ENOX1: variants seen among roughly 807,000 people sequenced by gnomAD.
ENOX1 encodes candidate growth-related and time keeping constitutive hydroquinone (NADH) oxidase.
A neutral mutation model predicts 82.5 loss-of-function variants in ENOX1; 42 were observed. The observed-to-expected ratio is 0.51, with a 90% CI of 0.40 to 0.66. ENOX1 has a LOEUF of 0.66. ENOX1 is among the 30% of genes least tolerant of loss of function. The pLI is 0.00. For synonymous variants in ENOX1, 271 were observed against 282.2 expected (o/e 0.96, Z 0.40); for missense variants, 608 against 811.6 (o/e 0.75, Z 3.05).
chr13:43,436,985 AG>A (rs2056068697), intron 3 of ENOX1, among the ~76,000 whole-genome samples: 1 of 152,340 alleles, frequency 6.6e-6, no homozygotes, highest in Middle Eastern at 3.4e-3. Flanking sequence ...CAAGGACACG[AG>A]GGTAAAGACA....
At chr13:43,497,819 G>A (rs1327174248) in intron 2 of ENOX1, among the ~76,000 whole-genome samples, 3 of 151,940 alleles carry the variant, frequency 2.0e-5, no homozygotes, top group Non-Finnish European at 4.4e-5. Context: ...CTTCTTAAAT[G>A]TTTGAAGGAA....
At chr13:43,448,843 T>C (rs1193966036) in intron 3 of ENOX1, among the ~76,000 whole-genome samples, 6 of 152,188 alleles carry the variant, frequency 3.9e-5, no homozygotes, top group Non-Finnish European at 7.3e-5. Context: ...TCTGCAGCCA[T>C]CTAAAAGGAC....
chr13:43,422,680 T>C (rs946137800), intron 3 of ENOX1, among the ~76,000 whole-genome samples: 1 of 151,928 alleles, frequency 6.6e-6, no homozygotes. Flanking sequence ...AAACATGCAA[T>C]CAAACAAAAT....
intron 1 of ENOX1, among the ~76,000 whole-genome samples, chr13:43,682,893 C>A (rs1594391625): frequency 1.3e-5 from 2 of 152,162 alleles, no homozygotes; most frequent in African/African-American, 2.4e-5. Context: ...CTTGAAATGA[C>A]ATTTTATGTG....
chr13:43,651,396 T>TA lies in ENOX1; in HGVS notation c.-219+16082dup, dbSNP rs2084162192. On this transcript the variant is annotated intron_variant, in intron 2 of 16. Transcript: ENST00000690772. ...CTTACCTAGTACTTTCTCCTTGTGA[T>TA]AAAAGACTTCACTTTGAGGCCGGGC... 3.3e-5 allele frequency among the ~76,000 whole-genome samples: 5 copies of TA among 152,216 alleles called. No individual in the cohort carries two copies. In the South Asian group the frequency reaches 1.0e-3, roughly 32 times the overall value.
At chr13:43,248,176 C>T (rs1435561663) in intron 14 of ENOX1, among the ~76,000 whole-genome samples, 14 of 151,554 alleles carry the variant, frequency 9.2e-5, no homozygotes, top group Non-Finnish European at 1.9e-4. Flanking sequence ...TGAGCCACCG[C>T]GCCCGGCCGC....
At chr13:43,539,019 C>T (rs898345195) in intron 2 of ENOX1, among the ~76,000 whole-genome samples, 5 of 152,190 alleles carry the variant, frequency 3.3e-5, no homozygotes, top group East Asian at 3.9e-4. Flanking sequence ...ATGGTGGTCT[C>T]GCTATGATGC....
intron 2 of ENOX1, among the ~76,000 whole-genome samples, chr13:43,486,381 C>CAA (rs200960671): frequency 6.9e-6 from 1 of 144,652 alleles, no homozygotes; most frequent in African/African-American, 2.5e-5. Context: ...GAGACTCTCT[C>CAA]AAAAAAAAAA....
At chr13:43,705,416 A>G (rs1371737369) in intron 1 of ENOX1, among the ~76,000 whole-genome samples, 1 of 151,030 alleles carries the variant, frequency 6.6e-6, no homozygotes, top group Non-Finnish European at 1.5e-5. Flanking sequence ...AAAGCAAACA[A>G]ATACATGCTC....
chr13:43,344,569 A>T lies in ENOX1; in HGVS notation c.1005T>A (p.Phe335Leu), dbSNP rs766380922. ...TGAGAATCCCAGTTAAGGCATTTTT[A>T]AAATTCTCCTTGGCTTCCTCCATCT... The part of the protein sequence containing the change: ...EQEMEEAKEN[F>L]KNALTGILTQ... Residue 335 changes from phenylalanine to leucine, a missense_variant, in exon 9 of 17, where the codon TTT (phenylalanine) becomes TTA (leucine). Physicochemically the swap from Phe to Leu is conservative, Grantham distance 22. Coordinates refer to ENST00000690772, the MANE Select transcript of ENOX1 (RefSeq NM_001347969.2). 8 of 1,614,106 alleles carry T rather than the reference A, an allele frequency of 5.0e-6. No homozygotes were observed. Among genetic ancestry groups the T allele is most frequent in the Non-Finnish European group, 5.9e-6 (7 of 1,180,044 alleles).
intron 2 of ENOX1, among the ~76,000 whole-genome samples, chr13:43,655,872 C>G (rs2084408707): frequency 6.6e-6 from 1 of 152,122 alleles, no homozygotes; most frequent in Non-Finnish European, 1.5e-5. Flanking sequence ...TTCCACCTTC[C>G]AAATAACTAG....
At chr13:43,419,920 A>G (rs1350163450) in intron 3 of ENOX1, among the ~76,000 whole-genome samples, 1 of 152,080 alleles carries the variant, frequency 6.6e-6, no homozygotes, top group Non-Finnish European at 1.5e-5. Flanking sequence ...GCAGTGAGCC[A>G]AGACCAAGCC....
At chr13:43,353,512 A>G (rs9594929) in intron 8 of ENOX1, among the ~76,000 whole-genome samples, 33,785 of 152,162 alleles carry the variant, frequency 0.22, 4,138 homozygotes, top group Admixed American at 0.37. Flanking sequence ...TATTGACTGT[A>G]TTTTATGTCC....
At chr13:43,708,528 C>G (rs529371273) in intron 1 of ENOX1, among the ~76,000 whole-genome samples, 1 of 152,164 alleles carries the variant, frequency 6.6e-6, no homozygotes, top group African/African-American at 2.4e-5. Context: ...CCTTATGGCC[C>G]CTCAGTCAAA....
chr13:43,291,277 G>A (rs980769283), intron 12 of ENOX1, among the ~76,000 whole-genome samples: 3 of 152,136 alleles, frequency 2.0e-5, no homozygotes, highest in Admixed American at 1.3e-4. Flanking sequence ...ACTGTTCTGT[G>A]TCCTGCACAT....
intron 3 of ENOX1, among the ~76,000 whole-genome samples, chr13:43,419,896 G>A (rs879379755): frequency 2.6e-5 from 4 of 152,102 alleles, no homozygotes; most frequent in African/African-American, 4.8e-5. Context: ...GCTTGAACCT[G>A]GGAGGCAAAG....
intron 12 of ENOX1, among the ~76,000 whole-genome samples, chr13:43,294,739 T>C (rs945892325): frequency 6.6e-6 from 1 of 152,206 alleles, no homozygotes; most frequent in Non-Finnish European, 1.5e-5. Context: ...CCACTAACTA[T>C]TGACTAGACA....
At chr13:43,759,349 C>T (rs1233388181) in intron 1 of ENOX1, among the ~76,000 whole-genome samples, 1 of 152,126 alleles carries the variant, frequency 6.6e-6, no homozygotes, top group Non-Finnish European at 1.5e-5. Context: ...CCACCTGCCT[C>T]AGCCTCCCAA....
chr13:43,407,616 G>A (rs1566140581), intron 5 of ENOX1, among the ~76,000 whole-genome samples: 2 of 152,112 alleles, frequency 1.3e-5, no homozygotes, highest in Non-Finnish European at 2.9e-5. Context: ...GGAATTGTAC[G>A]TAGTAGATCC....
Sources: allele counts gnomAD v4.1 joint callset (sites outside exome capture counted in the v4.1 genomes callset), GRCh38; gene constraint gnomAD v4.1.1; transcripts MANE v1.5; gene names NCBI Gene and HGNC (gene_info 2026-07-23, HGNC 2026-07-21).